The following CPVL variants were observed in gnomAD, a reference collection of about 807,000 sequenced individuals.
CPVL encodes carboxypeptidase vitellogenic like, also known as probable serine carboxypeptidase CPVL.
A neutral mutation model predicts 63.7 loss-of-function variants in CPVL; 51 were observed. That is an observed-to-expected ratio of 0.80 (90% CI 0.64 to 1.01). CPVL has a LOEUF of 1.01. CPVL is among the 50% of genes least tolerant of loss of function. The pLI, the probability that CPVL is intolerant of heterozygous loss-of-function variation, is 0.00. For synonymous variants in CPVL, 195 were observed against 206.0 expected, an observed-to-expected ratio of 0.95 and a Z score of 0.46; for missense variants, 530 against 573.1, an observed-to-expected ratio of 0.92 and a Z score of 0.77.
At chr7:29,118,502 T>C (rs1203131228) in intron 2 of CPVL, among the ~76,000 whole-genome samples, 1 of 152,216 alleles carries the variant, frequency 6.6e-6, no homozygotes, top group Admixed American at 6.5e-5. Flanking sequence ...GAGGTAAAAA[T>C]CAGTCCTTTT....
chr7:29,170,486 T>C (rs1388382588), intron 5 of CPVL, among the ~76,000 whole-genome samples: 1 of 152,234 alleles, frequency 6.6e-6, no homozygotes, highest in African/African-American at 2.4e-5. Flanking sequence ...TCTCCAATTG[T>C]TCATCTGGGG....
intron 11 of CPVL, among the ~76,000 whole-genome samples, chr7:29,040,998 A>AT (rs1273895129): frequency 7.2e-5 from 11 of 152,110 alleles, no homozygotes; most frequent in Non-Finnish European, 1.0e-4. Flanking sequence ...TCTTGCTTGA[A>AT]TATAAAAGTC....
intron 12 of CPVL, among the ~76,000 whole-genome samples, chr7:28,999,745 G>A (rs1281119822): frequency 2.0e-5 from 3 of 152,138 alleles, no homozygotes; most frequent in Admixed American, 2.0e-4. Context: ...TTAATATTGC[G>A]GGAAGAGAAA....
intron 1 of CPVL, among the ~76,000 whole-genome samples, chr7:29,186,729 A>G (rs1484695337): frequency 6.6e-6 from 1 of 152,188 alleles, no homozygotes; most frequent in Non-Finnish European, 1.5e-5. Context: ...CTCAAACAGG[A>G]AAATACTTAC....
chr7:29,083,705 C>A (rs1198441417), intron 7 of CPVL, among the ~76,000 whole-genome samples: 2 of 152,176 alleles, frequency 1.3e-5, no homozygotes, highest in Admixed American at 1.3e-4. Context: ...TCCAGCCACA[C>A]CTGACGTTAA....
At chr7:29,003,066 A>G (rs1394176703) in intron 12 of CPVL, among the ~76,000 whole-genome samples, 2 of 136,058 alleles carry the variant, frequency 1.5e-5, no homozygotes. Context: ...TGAATCCTAG[A>G]TAGAATAAAC....
At chr7:29,154,791 C>T (rs888349703) in intron 5 of CPVL, among the ~76,000 whole-genome samples, 2 of 152,168 alleles carry the variant, frequency 1.3e-5, no homozygotes, top group Admixed American at 6.5e-5. Context: ...ACCAAGATTA[C>T]GCCACTGCAC....
intron 7 of CPVL, among the ~76,000 whole-genome samples, chr7:29,081,025 T>C (rs1488607906): frequency 6.6e-6 from 1 of 152,216 alleles, no homozygotes; most frequent in African/African-American, 2.4e-5. Flanking sequence ...GCACTGACTC[T>C]TTCCCTTGAG....
chr7:29,190,966 A>G (rs548794570), intron 1 of CPVL, among the ~76,000 whole-genome samples: 1 of 150,214 alleles, frequency 6.7e-6, no homozygotes, highest in African/African-American at 2.5e-5. Flanking sequence ...ACAGGGCCTC[A>G]CTCTGTCTCC....
upstream of CPVL, chr7:29,146,846 T>C (rs1300114405): frequency 4.5e-6 from 7 of 1,551,118 alleles, no homozygotes; most frequent in Non-Finnish European, 6.1e-6. Flanking sequence ...TTCTGCACTC[T>C]AGGACTTACT....
chr7:29,075,732 T>A (rs894652543), intron 7 of CPVL, among the ~76,000 whole-genome samples: 1 of 124,238 alleles, frequency 8.0e-6, no homozygotes, highest in Non-Finnish European at 1.7e-5. Flanking sequence ...AACCTCACAG[T>A]GATGATCTTA....
At chr7:29,043,187 T>G (rs772087719) in intron 11 of CPVL, among the ~76,000 whole-genome samples, 1 of 151,434 alleles carries the variant, frequency 6.6e-6, no homozygotes, top group Non-Finnish European at 1.5e-5. Flanking sequence ...ACCAGGTTGA[T>G]CTCCTCATAA....
At chr7:29,140,166 AC>A (rs1791715245) in intron 1 of CPVL, among the ~76,000 whole-genome samples, 1 of 152,184 alleles carries the variant, frequency 6.6e-6, no homozygotes, top group African/African-American at 2.4e-5. Context: ...TCGGCTGGAC[AC>A]AGTGGCTCAC....
chr7:29,001,931 A>G (rs1172684660), intron 12 of CPVL, among the ~76,000 whole-genome samples: 1 of 152,230 alleles, frequency 6.6e-6, no homozygotes, highest in Non-Finnish European at 1.5e-5. Flanking sequence ...ATTCCACAGA[A>G]AACAATAGAA....
intron 5 of CPVL, among the ~76,000 whole-genome samples, chr7:29,173,568 A>G (rs529789975): frequency 6.8e-4 from 103 of 152,286 alleles, no homozygotes; most frequent in African/African-American, 2.4e-3. Flanking sequence ...TTCAAAGGAT[A>G]AAAAGCATCT....
intron 11 of CPVL, among the ~76,000 whole-genome samples, chr7:29,049,607 T>C (rs1449437988): frequency 2.0e-5 from 3 of 152,198 alleles, no homozygotes; most frequent in Non-Finnish European, 2.9e-5. Flanking sequence ...TTGATACCAA[T>C]CCTTTTAATA....
intron 11 of CPVL, among the ~76,000 whole-genome samples, chr7:29,036,883 C>G (rs1788576683): frequency 6.6e-6 from 1 of 152,128 alleles, no homozygotes; most frequent in Non-Finnish European, 1.5e-5. Flanking sequence ...ATTTTAGGCA[C>G]AAGGAGGCAG....
chr7:29,159,251 A>G (rs976380134), intron 5 of CPVL, among the ~76,000 whole-genome samples: 1 of 152,192 alleles, frequency 6.6e-6, no homozygotes, highest in African/African-American at 2.4e-5. Flanking sequence ...CACTTGCAGA[A>G]GAGGAAACTG....
At chr7:29,191,614 C>A (rs1306649793) in intron 1 of CPVL, 1 of 152,138 alleles carries the variant, frequency 6.6e-6, no homozygotes, top group African/African-American at 2.4e-5. Flanking sequence ...TCTTAAGAAG[C>A]CCACATTATC....
Sources: allele counts gnomAD v4.1 joint callset (sites outside exome capture counted in the v4.1 genomes callset), GRCh38; gene constraint gnomAD v4.1.1; transcripts MANE v1.5; gene names NCBI Gene and HGNC (gene_info 2026-07-23, HGNC 2026-07-21).